NR5A2: variants seen among roughly 807,000 people sequenced by gnomAD.
NR5A2 encodes the protein CYP7A promoter-binding factor.
A neutral mutation model predicts 62.7 loss-of-function variants in NR5A2; 26 were observed. The ratio of observed to expected loss-of-function variants is 0.41; its 90% CI spans 0.30 to 0.58. The LOEUF (loss-of-function observed/expected upper bound fraction) is 0.58. Ranked by LOEUF, NR5A2 falls within the 20% of genes least tolerant of loss-of-function variation. The pLI, the probability that NR5A2 is intolerant of heterozygous loss-of-function variation, is 0.22. For missense variants in NR5A2, 541 were observed against 669.1 expected (o/e 0.81, Z 2.11); for synonymous variants, 246 against 241.7 (o/e 1.02, Z -0.16).
chr1:200,096,063 A>G (rs879257731), intron 5 of NR5A2, among the ~76,000 whole-genome samples: 3 of 151,818 alleles, frequency 2.0e-5, no homozygotes, highest in East Asian at 1.9e-4. Context: ...CTAGTTATCA[A>G]TCTACACCCA....
rs577687630 is a variant in NR5A2, at chr1:200,127,958, A to G, written c.1378+7003A>G. 1.5e-4 allele frequency among the ~76,000 whole-genome samples: 23 copies of G among 151,766 alleles called. 1 individual carries two copies. In the East Asian group the frequency reaches 3.3e-3, roughly 22 times the overall value. The stretch of plus-strand genomic sequence containing the variant: ...ATAAGAAATTAGGACAGTCATCTGA[A>G]GAATGTGGACAAAAATAAAAGCAAT... On this transcript the variant is annotated intron_variant, in intron 7 of 7. Transcript: ENST00000367362.
At chr1:200,126,550 T>TA (rs934446737) in intron 7 of NR5A2, among the ~76,000 whole-genome samples, 16 of 151,660 alleles carry the variant, frequency 1.1e-4, no homozygotes, top group African/African-American at 3.4e-4. Context: ...AATAATTAGC[T>TA]AAAAAAAATG....
At chr1:200,053,868 A>G (rs1407928833) in intron 5 of NR5A2, among the ~76,000 whole-genome samples, 3 of 152,198 alleles carry the variant, frequency 2.0e-5, no homozygotes, top group Non-Finnish European at 4.4e-5. Context: ...TTTCTGAAGC[A>G]TTCTCTAGTG....
In NR5A2 at chr1:200,038,066, G is replaced by T. The variant is rs534854312; in HGVS notation, c.65-1592G>T. Among the ~76,000 whole-genome samples the T allele has an allele frequency of 4.6e-5, 7 of 152,344 alleles. No homozygotes were observed. In the East Asian group the frequency reaches 1.3e-3, roughly 29 times the overall value. On this transcript the variant is annotated intron_variant, in intron 1 of 7. Coordinates refer to ENST00000367362, the MANE Select transcript of NR5A2 (RefSeq NM_205860.3). Reference sequence around the variant, plus strand: ...GCAGATTCTAAATATGAGGCATTTCGCATGCAGTCAGGAGGCTGGAAAGAA... The same window carrying T: ...GCAGATTCTAAATATGAGGCATTTCTCATGCAGTCAGGAGGCTGGAAAGAA...
intron 7 of NR5A2, among the ~76,000 whole-genome samples, chr1:200,152,034 T>G (rs968351165): frequency 6.6e-6 from 1 of 152,234 alleles, no homozygotes; most frequent in African/African-American, 2.4e-5. Context: ...CTTAGGATTT[T>G]AAAGCAACAA....
At chr1:200,075,443 G>T (rs1034993343) in intron 5 of NR5A2, among the ~76,000 whole-genome samples, 2 of 152,234 alleles carry the variant, frequency 1.3e-5, no homozygotes, top group African/African-American at 2.4e-5. Flanking sequence ...AAAACTAAGC[G>T]CCAAAAAAGG....
At chr1:200,157,114 G>C (rs1653424448) in intron 7 of NR5A2, among the ~76,000 whole-genome samples, 1 of 152,202 alleles carries the variant, frequency 6.6e-6, no homozygotes, top group Admixed American at 6.5e-5. Context: ...AGATGAAACA[G>C]ATGATACTTT....
chr1:200,040,188 T>C (rs796476973), intron 2 of NR5A2, among the ~76,000 whole-genome samples: 26 of 152,282 alleles, frequency 1.7e-4, no homozygotes, highest in African/African-American at 6.3e-4. Flanking sequence ...ACCAGTACTC[T>C]TGTGTGGAGG....
chr1:200,173,350 T>C (rs1335420280), intron 7 of NR5A2, among the ~76,000 whole-genome samples: 1 of 152,238 alleles, frequency 6.6e-6, no homozygotes, highest in Non-Finnish European at 1.5e-5. Context: ...ATAAAGATCA[T>C]TAGTCACCAA....
chr1:200,047,898 C>T (rs12049526), intron 4 of NR5A2, among the ~76,000 whole-genome samples: 1 of 152,132 alleles, frequency 6.6e-6, no homozygotes, highest in East Asian at 1.9e-4. Context: ...ATTTCTATGT[C>T]TAACAAAAAT....
intron 5 of NR5A2, among the ~76,000 whole-genome samples, chr1:200,088,506 G>A (rs1182602905): frequency 6.6e-6 from 1 of 150,984 alleles, no homozygotes. Flanking sequence ...ATCTGCCCAC[G>A]TCGGCCTCCC....
At position 200,034,633 on chromosome 1, in the gene NR5A2, A is replaced by G. The variant is rs192768252; in HGVS notation, c.65-5025A>G. 4.7e-3 allele frequency among the ~76,000 whole-genome samples: 715 copies of G among 151,634 alleles called. 5 individuals carry two copies. The highest frequency in any genetic ancestry group is 7.0e-3 in the Non-Finnish European group (474 of 67,904). On this transcript the variant is annotated intron_variant, in intron 1 of 7. Transcript: ENST00000367362. ...GTGGGGGGTAGGTTGGATTACCCAG[A>G]TAATTGCTTCGGCTTTCGTTTTCCT...
At chr1:200,143,434 T>C (rs1667533020) in intron 7 of NR5A2, among the ~76,000 whole-genome samples, 1 of 150,352 alleles carries the variant, frequency 6.7e-6, no homozygotes, top group Non-Finnish European at 1.5e-5. Context: ...GTTTTTTTTT[T>C]CCCCCTTCTT....
Position 200,071,904 on chromosome 1 carries a change from C to T in NR5A2, c.1110+23086C>T, listed in dbSNP as rs548996675. On this transcript the variant is annotated intron_variant, in intron 5 of 7. Transcript: ENST00000367362. ...ATTGATCAGTTTTAAAATAGATGCA[C>T]ACAAACTACCTTGAGCTTTACTTTC... 3.9e-5 allele frequency among the ~76,000 whole-genome samples: 6 copies of T among 152,246 alleles called. No homozygotes were observed. The East Asian group carries it at 1.2e-3, about 29-fold the overall frequency.
At position 200,147,587 on chromosome 1, in the gene NR5A2, C is replaced by A; in HGVS notation, c.1379-26376C>A. ...CTTAAAGCGATCTCCTCTACACGAA[C>A]GCTAGGGCAGAGCACATTTTCGCAC... On this transcript the variant is annotated intron_variant, in intron 7 of 7. Transcript: ENST00000367362. The surrounding 1 kb of genome is among the most constrained non-coding windows in gnomAD (Gnocchi z 4.9). 1.4e-6 allele frequency: 1 copy of A among 716,906 alleles called. No homozygotes were observed. Among genetic ancestry groups the A allele is most frequent in the East Asian group, 3.2e-5 (1 of 31,086 alleles). 44.4% of individuals were successfully genotyped at this position (716,906 alleles called of 1,614,324 possible). A position where few individuals can be genotyped will look rare whatever the true frequency, so the allele number is the denominator to read the frequency against.
intron 7 of NR5A2, among the ~76,000 whole-genome samples, chr1:200,127,669 T>A (rs1412661217): frequency 1.6e-5 from 1 of 62,686 alleles, no homozygotes; most frequent in Non-Finnish European, 2.9e-5. Flanking sequence ...AGAGAAAGAC[T>A]CTGTCTCAAA....
chr1:200,030,846 A>G (rs1661522026), intron 1 of NR5A2, among the ~76,000 whole-genome samples: 1 of 152,236 alleles, frequency 6.6e-6, no homozygotes, highest in Non-Finnish European at 1.5e-5. Flanking sequence ...TACACAGTGC[A>G]AACACTGTAT....
In NR5A2 at chr1:200,151,940, G is replaced by A. The variant is rs549664167; in HGVS notation, c.1379-22023G>A. ...TGTGAATACAGAGTAATATTACCAGGGTCTTAATCAGATCCAGGAGTCCCA... is the reference window on the plus strand; with the variant it reads ...TGTGAATACAGAGTAATATTACCAGAGTCTTAATCAGATCCAGGAGTCCCA... On this transcript the variant is annotated intron_variant, in intron 7 of 7. Coordinates refer to ENST00000367362, the MANE Select transcript of NR5A2 (RefSeq NM_205860.3). Among the ~76,000 whole-genome samples, 33 of 152,280 alleles carry A rather than the reference G, an allele frequency of 2.2e-4. No individual in the cohort carries two copies. The Middle Eastern group carries it at 0.01, about 47-fold the overall frequency.
rs1488883959 is a variant in NR5A2, at chr1:200,176,523, A to C, written c.*2313A>C. 1 of 152,236 alleles carries C rather than the reference A, an allele frequency of 6.6e-6. No homozygotes were observed. Among genetic ancestry groups the C allele is most frequent in the African/African-American group, 2.4e-5 (1 of 41,432 alleles). 9.4% of individuals were successfully genotyped at this position (152,236 alleles called of 1,614,324 possible). On this transcript the variant is annotated 3_prime_UTR_variant, in exon 8 of 8. Transcript: ENST00000367362. ...CAAGTTGGCTAGAAGATACATGGAG[A>C]GGAATGGTGTGGTCAACAGTTAATG...
Sources: allele counts gnomAD v4.1 joint callset (sites outside exome capture counted in the v4.1 genomes callset), GRCh38; gene constraint gnomAD v4.1.1; non-coding constraint Gnocchi (gnomAD v3.1); transcripts MANE v1.5; gene names NCBI Gene and HGNC (gene_info 2026-07-23, HGNC 2026-07-21).